FGGY: variants seen among roughly 807,000 people sequenced by gnomAD.
FGGY encodes FGGY carbohydrate kinase domain containing, also known as FGGY carbohydrate kinase domain-containing protein.
A neutral mutation model predicts 71.3 loss-of-function variants in FGGY; 72 were observed. That is an observed-to-expected ratio of 1.01 (90% CI 0.84 to 1.23). The LOEUF is 1.23. FGGY is among the 50% of genes most tolerant of loss of function. The probability of loss-of-function intolerance (pLI) is 0.00; values close to 1 mark genes in which losing one functional copy is unlikely to be tolerated. For missense variants in FGGY, 668 were observed against 682.3 expected (o/e 0.98, Z 0.23); for synonymous variants, 251 against 250.3 (o/e 1.00, Z -0.02).
intron 8 of FGGY, among the ~76,000 whole-genome samples, chr1:59,603,873 G>A (rs1215197664): frequency 6.6e-6 from 1 of 152,172 alleles, no homozygotes; most frequent in Non-Finnish European, 1.5e-5. Flanking sequence ...AGAAGTAATG[G>A]TAGCCTAAAA....
At chr1:59,629,743 G>A (rs1319650447) in intron 10 of FGGY, among the ~76,000 whole-genome samples, 2 of 152,148 alleles carry the variant, frequency 1.3e-5, no homozygotes, top group Non-Finnish European at 2.9e-5. Context: ...CTGGAGACCT[G>A]AATCCAAATC....
At chr1:59,473,611 A>C (rs924695212) in intron 6 of FGGY, among the ~76,000 whole-genome samples, 1 of 152,168 alleles carries the variant, frequency 6.6e-6, no homozygotes, top group Non-Finnish European at 1.5e-5. Flanking sequence ...GCCAGAGCAT[A>C]GTGGACCTGA....
chr1:59,473,669 G>T (rs556210784), intron 6 of FGGY, among the ~76,000 whole-genome samples: 1 of 152,262 alleles, frequency 6.6e-6, no homozygotes, highest in African/African-American at 2.4e-5. Flanking sequence ...TTTATGGGGG[G>T]CTAGTTTCTG....
chr1:59,495,715 C>A (rs2094008843), intron 6 of FGGY, among the ~76,000 whole-genome samples: 1 of 152,112 alleles, frequency 6.6e-6, no homozygotes. Context: ...GTTATCCCAG[C>A]ACCATTTATT....
chr1:59,536,155 C>T (rs1015979752), intron 7 of FGGY, among the ~76,000 whole-genome samples: 14 of 151,626 alleles, frequency 9.2e-5, no homozygotes, highest in Admixed American at 3.9e-4. Flanking sequence ...ATATCACCAC[C>T]GATCCCACAG....
At chr1:59,706,191 TCTC>T (rs906851788) in intron 14 of FGGY, among the ~76,000 whole-genome samples, 1 of 152,106 alleles carries the variant, frequency 6.6e-6, no homozygotes, top group African/African-American at 2.4e-5. Context: ...CATCTCCTCT[TCTC>T]CTCACCTCAA....
At chr1:59,653,371 T>C (rs2097185657) in intron 11 of FGGY, among the ~76,000 whole-genome samples, 1 of 152,144 alleles carries the variant, frequency 6.6e-6, no homozygotes. Flanking sequence ...GCCTTGCAGT[T>C]TGATCTCAGA....
chr1:59,451,027 A>G (rs1019612826), intron 5 of FGGY, among the ~76,000 whole-genome samples: 1 of 152,096 alleles, frequency 6.6e-6, no homozygotes, highest in African/African-American at 2.4e-5. Context: ...AAATACTGAG[A>G]TAATTGACCT....
Position 59,638,293 on chromosome 1 carries a change from G to A in FGGY, c.1139G>A (p.Gly380Asp), listed in dbSNP as rs114043049. Reference sequence around the variant, plus strand: ...CTGATTAAGAAGGCTCAGCCTGTGGGTTTCCTTACTGTTGATTTACATGTT... The same window carrying A: ...CTGATTAAGAAGGCTCAGCCTGTGGATTTCCTTACTGTTGATTTACATGTT... ...LDLIKKAQPV[G>D]FLTVDLHVWP... The change falls in exon 11 of 16, where the codon GGT becomes GAT. Residue 380 changes from glycine (G) to aspartate (D), a missense_variant. Gly to Asp is a moderately conservative substitution (Grantham distance 94, BLOSUM62 -1). This residue lies in a region of FGGY where 661 missense variants were observed against 661.6 expected (regional missense o/e 1.00). Transcript: ENST00000303721. 174 of 1,614,180 alleles carry A rather than the reference G, an allele frequency of 1.1e-4. No individual in the cohort carries two copies. The East Asian group carries it at 3.7e-3, about 34-fold the overall frequency.
At chr1:59,576,689 C>T (rs1227419633) in intron 8 of FGGY, among the ~76,000 whole-genome samples, 1 of 147,118 alleles carries the variant, frequency 6.8e-6, no homozygotes, top group Non-Finnish European at 1.5e-5. Flanking sequence ...CACACACACA[C>T]ACACACACAC....
chr1:59,338,397 G>A (rs1026484780), intron 2 of FGGY, among the ~76,000 whole-genome samples: 11 of 152,080 alleles, frequency 7.2e-5, no homozygotes, highest in Non-Finnish European at 1.6e-4. Context: ...AGACAAGTTT[G>A]TGTAGCATTG....
At chr1:59,604,630 C>T (rs1187625941) in intron 8 of FGGY, among the ~76,000 whole-genome samples, 1 of 152,178 alleles carries the variant, frequency 6.6e-6, no homozygotes, top group Admixed American at 6.5e-5. Context: ...GAAGTGTATC[C>T]TTCCTAAGCA....
chr1:59,563,662 A>T (rs1443882316), intron 8 of FGGY, among the ~76,000 whole-genome samples: 1 of 152,226 alleles, frequency 6.6e-6, no homozygotes, highest in Non-Finnish European at 1.5e-5. Flanking sequence ...ACTACCATTG[A>T]CTTTCTTCAC....
At chr1:59,450,841 T>C (rs1055958246) in intron 5 of FGGY, among the ~76,000 whole-genome samples, 15 of 152,112 alleles carry the variant, frequency 9.9e-5, no homozygotes, top group East Asian at 1.9e-4. Flanking sequence ...TTGATACTTA[T>C]ATTGTCATTT....
chr1:59,374,415 A>G (rs1283554307), intron 4 of FGGY, among the ~76,000 whole-genome samples: 1 of 152,216 alleles, frequency 6.6e-6, no homozygotes, highest in East Asian at 1.9e-4. Context: ...CAGGTGCTGG[A>G]GAGGATGTGG....
At chr1:59,586,911 T>A (rs1464641982) in intron 8 of FGGY, among the ~76,000 whole-genome samples, 18 of 152,178 alleles carry the variant, frequency 1.2e-4, no homozygotes, top group Admixed American at 1.2e-3. Flanking sequence ...GGTACCGGGT[T>A]CATCTCACTA....
chr1:59,699,692 G>T (rs990056226), intron 14 of FGGY, among the ~76,000 whole-genome samples: 3 of 152,180 alleles, frequency 2.0e-5, no homozygotes, highest in African/African-American at 7.2e-5. Context: ...TATTCTAGCA[G>T]ATTTTTAAAG....
chr1:59,664,777 C>G (rs773421001), intron 12 of FGGY, among the ~76,000 whole-genome samples: 2 of 152,214 alleles, frequency 1.3e-5, no homozygotes, highest in Non-Finnish European at 1.5e-5. Context: ...CTGGACACTT[C>G]TACAAGTTTT....
rs555285839 is a variant in FGGY, at chr1:59,724,279, C to G, written c.1513-33652C>G. Among the ~76,000 whole-genome samples the G allele has an allele frequency of 2.5e-4, 37 of 150,772 alleles. 1 individual carries two copies. Among genetic ancestry groups the G allele is most frequent in the Admixed American group, 6.6e-4 (10 of 15,118 alleles). On this transcript the variant is annotated intron_variant, in intron 14 of 15. Transcript: ENST00000303721. ...AGATCACGAGGTCAGGAGATCAAGA[C>G]CATCCTGGCTAACACAGTGTAACCT...
Sources: gnomAD v4.1 joint callset for allele counts (sites outside exome capture counted in the v4.1 genomes callset) on GRCh38, gnomAD v4.1.1 for gene constraint, gnomAD v4.1.1 regional missense constraint, MANE v1.5 for transcripts, NCBI Gene and HGNC (gene_info 2026-07-23, HGNC 2026-07-21) for gene names.